Variants in FRMD4A observed in about 807,000 individuals in gnomAD.
The protein encoded by FRMD4A is FERM domain-containing protein 4A.
A neutral mutation model predicts 129.1 loss-of-function variants in FRMD4A; 29 were observed. That is an observed-to-expected ratio of 0.22 (90% CI 0.17 to 0.31). The LOEUF (loss-of-function observed/expected upper bound fraction) is 0.31. Among genes scored for constraint, FRMD4A ranks in the 10% least tolerant of loss-of-function variants. The pLI is 1.00. For synonymous variants in FRMD4A, 634 were observed against 571.6 expected (o/e 1.11, Z -1.56); for missense variants, 1,272 against 1,375.8 (o/e 0.92, Z 1.19).
intron 2 of FRMD4A, among the ~76,000 whole-genome samples, chr10:13,893,436 T>G (rs544027785): frequency 3.9e-4 from 60 of 152,352 alleles, no homozygotes; most frequent in African/African-American, 1.4e-3. Context: ...GCATATTGTT[T>G]CTTTGCACGC....
intron 2 of FRMD4A, among the ~76,000 whole-genome samples, chr10:13,955,607 G>A (rs1296532518): frequency 6.6e-6 from 1 of 152,202 alleles, no homozygotes; most frequent in Non-Finnish European, 1.5e-5. Context: ...ACCAACCCTT[G>A]AAGTCTGGGG....
intron 2 of FRMD4A, among the ~76,000 whole-genome samples, chr10:14,088,074 C>A (rs1836401472): frequency 6.6e-6 from 1 of 152,010 alleles, no homozygotes; most frequent in South Asian, 2.1e-4. Context: ...ATGTAGGATG[C>A]TAATTTATTT....
chr10:14,250,110 G>A lies in FRMD4A; in HGVS notation c.45+79948C>T, dbSNP rs149008703. On this transcript the variant is annotated intron_variant, in intron 2 of 24. Coordinates refer to ENST00000357447, the MANE Select transcript of FRMD4A (RefSeq NM_018027.5). ...CAAGTAGCTGCGATTACAGGTGCGT[G>A]CTACCACGCCTGGCTAAGTGTTGTA... Among the ~76,000 whole-genome samples the A allele has an allele frequency of 9.3e-3, 1,413 of 152,182 alleles. 24 individuals are homozygous for A. The highest frequency in any genetic ancestry group is 0.033 in the African/African-American group (1,351 of 41,520).
Position 14,199,655 on chromosome 10 carries a change from G to A in FRMD4A, c.45+130403C>T, listed in dbSNP as rs542281079. 2.6e-5 allele frequency among the ~76,000 whole-genome samples: 4 copies of A among 152,312 alleles called. No homozygotes were observed. The Middle Eastern group carries it at 0.014, about 518-fold the overall frequency. Reference sequence around the variant, plus strand: ...TCCACCTGCCTTGGCCTCCCAAACAGCTGGAAGTACAGGTGTGTGCCACCG... The same window carrying A: ...TCCACCTGCCTTGGCCTCCCAAACAACTGGAAGTACAGGTGTGTGCCACCG... On this transcript the variant is annotated intron_variant, in intron 2 of 24. Transcript: ENST00000357447.
At chr10:14,274,775 C>T (rs1344086511) in intron 2 of FRMD4A, among the ~76,000 whole-genome samples, 2 of 152,142 alleles carry the variant, frequency 1.3e-5, no homozygotes, top group African/African-American at 4.8e-5. Context: ...CCTGTCCAGC[C>T]CAATTCCACG....
At position 13,946,375 on chromosome 10, in the gene FRMD4A, G is replaced by C. The variant is rs79602764; in HGVS notation, c.46-87463C>G. On this transcript the variant is annotated intron_variant, in intron 2 of 24. Transcript: ENST00000357447. Reference sequence around the variant, plus strand: ...CATATTGTCAACCAAGTCAGCGAACGCTAGAGACTTCAGGAGGAGAAGGGA... The same window carrying C: ...CATATTGTCAACCAAGTCAGCGAACCCTAGAGACTTCAGGAGGAGAAGGGA... Among the ~76,000 whole-genome samples, 936 of 152,300 alleles carry C rather than the reference G, an allele frequency of 6.1e-3. 3 individuals are homozygous for C. Among genetic ancestry groups the C allele is most frequent in the Non-Finnish European group, 0.011 (736 of 68,024 alleles).
chr10:13,988,315 G>A (rs777193471), intron 2 of FRMD4A, among the ~76,000 whole-genome samples: 2 of 152,132 alleles, frequency 1.3e-5, no homozygotes, highest in African/African-American at 4.8e-5. Context: ...TGGACTCTTC[G>A]ACCTTGGTAG....
intron 19 of FRMD4A, among the ~76,000 whole-genome samples, chr10:13,661,362 GAGGA>G (rs2082627574): frequency 6.6e-6 from 1 of 152,210 alleles, no homozygotes; most frequent in South Asian, 2.1e-4. Context: ...CAAAGAGGAG[GAGGA>G]AGGAAGGGCT....
At chr10:14,247,347 C>A (rs757854244) in intron 2 of FRMD4A, among the ~76,000 whole-genome samples, 43 of 152,160 alleles carry the variant, frequency 2.8e-4, no homozygotes, top group Non-Finnish European at 5.3e-4. Context: ...AAACCTCTGG[C>A]CCTGGAATAT....
intron 2 of FRMD4A, among the ~76,000 whole-genome samples, chr10:13,897,585 TGCATG>T (rs2094772557): frequency 6.6e-6 from 1 of 152,182 alleles, no homozygotes; most frequent in Non-Finnish European, 1.5e-5. Context: ...GATGGGCCAG[TGCATG>T]GCCTGTGAGT....
intron 2 of FRMD4A, among the ~76,000 whole-genome samples, chr10:13,957,974 C>T (rs1380814681): frequency 6.6e-6 from 1 of 152,042 alleles, no homozygotes; most frequent in Non-Finnish European, 1.5e-5. Context: ...CTATGTAAAC[C>T]CTGCCTGTTC....
chr10:13,867,623 G>GATATA (rs112743319), intron 2 of FRMD4A, among the ~76,000 whole-genome samples: 122,263 of 131,412 alleles, frequency 0.93, 56,948 homozygotes, highest in Non-Finnish European at 0.94. Flanking sequence ...TAATGTATAT[G>GATATA]ATATAATTAT....
rs73579907 is a variant in FRMD4A at position 13,809,651 on chromosome 10, T to C, written c.206+1163A>G. Among the ~76,000 whole-genome samples, 215 of 152,206 alleles carry C rather than the reference T, an allele frequency of 1.4e-3. 2 individuals carry two copies. Among genetic ancestry groups the C allele is most frequent in the African/African-American group, 4.9e-3 (205 of 41,530 alleles). On this transcript the variant is annotated intron_variant, in intron 4 of 24. Transcript: ENST00000357447. ...ACCTGCATTCCAGTTCCCTGCAGGC[T>C]CCAGGACGAGGGGCCCACCTTGCTC...
intron 2 of FRMD4A, among the ~76,000 whole-genome samples, chr10:14,048,892 GAATAGAATAGAA>G (rs1565211157): frequency 2.1e-5 from 2 of 97,158 alleles, no homozygotes; most frequent in African/African-American, 8.8e-5. Flanking sequence ...GAATAGAATA[GAATAGAATAGAA>G]AATAAAATGA....
chr10:14,111,963 G>T (rs1457541324), intron 2 of FRMD4A, among the ~76,000 whole-genome samples: 10 of 136,464 alleles, frequency 7.3e-5, no homozygotes, highest in Middle Eastern at 3.5e-3. Context: ...GAGAGGAGGG[G>T]AGGGGAGGGG....
chr10:13,776,718 A>T (rs6602683), intron 6 of FRMD4A, among the ~76,000 whole-genome samples: 14,636 of 152,254 alleles, frequency 0.096, 2,330 homozygotes, highest in African/African-American at 0.33. Context: ...CTTAGATTTT[A>T]ACATACAGTA....
At chr10:13,883,375 C>T (rs537800061) in intron 2 of FRMD4A, among the ~76,000 whole-genome samples, 1 of 152,096 alleles carries the variant, frequency 6.6e-6, no homozygotes, top group Admixed American at 6.6e-5. Flanking sequence ...GGCTGTAATC[C>T]CAGCTACTCG....
intron 2 of FRMD4A, among the ~76,000 whole-genome samples, chr10:13,947,534 G>A (rs2095340779): frequency 6.6e-6 from 1 of 151,970 alleles, no homozygotes; most frequent in Non-Finnish European, 1.5e-5. Flanking sequence ...GCCTAGGGGA[G>A]TCTGTCAAAA....
intron 3 of FRMD4A, among the ~76,000 whole-genome samples, chr10:13,811,943 T>A (rs2093456509): frequency 6.7e-6 from 1 of 149,284 alleles, no homozygotes; most frequent in Non-Finnish European, 1.5e-5. Context: ...TGTGCAGTAG[T>A]GCGATCTTGG....
Sources: gnomAD v4.1 joint callset for allele counts (sites outside exome capture counted in the v4.1 genomes callset) on GRCh38, gnomAD v4.1.1 for gene constraint, MANE v1.5 for transcripts, NCBI Gene and HGNC (gene_info 2026-07-23, HGNC 2026-07-21) for gene names.